The following ARL6IP6 variants were observed in gnomAD, a reference collection of about 807,000 sequenced individuals.
ARL6IP6 encodes the protein ARF like GTPase 6 interacting protein 6, also known as ADP-ribosylation factor-like protein 6-interacting protein 6.
A neutral mutation model predicts 21.5 loss-of-function variants in ARL6IP6; 22 were observed. That is an observed-to-expected ratio of 1.02 (90% CI 0.73 to 1.46). ARL6IP6 has a LOEUF of 1.46. Ranked by LOEUF, ARL6IP6 falls within the 40% of genes most tolerant of loss-of-function variation. The pLI is 0.00. For missense variants in ARL6IP6, 388 were observed against 299.8 expected, an observed-to-expected ratio of 1.29 and a Z score of -2.17; for synonymous variants, 164 against 125.3, an observed-to-expected ratio of 1.31 and a Z score of -2.06.
At chr2:152,733,991 C>G (rs897909947) in intron 2 of ARL6IP6, among the ~76,000 whole-genome samples, 3 of 152,114 alleles carry the variant, frequency 2.0e-5, no homozygotes, top group African/African-American at 7.2e-5. Context: ...AACTTGACAT[C>G]AAAATAAAGC....
chr2:152,726,487 C>G (rs1195856082), intron 2 of ARL6IP6, among the ~76,000 whole-genome samples: 3 of 152,168 alleles, frequency 2.0e-5, no homozygotes, highest in African/African-American at 7.2e-5. Context: ...CTTGAGCTAT[C>G]TATAGAATGT....
At chr2:152,722,415 G>C (rs920016430) in intron 2 of ARL6IP6, among the ~76,000 whole-genome samples, 4 of 152,244 alleles carry the variant, frequency 2.6e-5, no homozygotes, top group Admixed American at 1.3e-4. Flanking sequence ...CCAGTGGTCA[G>C]ATGGAGAATA....
At chr2:152,732,892 T>A (rs1396303377) in intron 2 of ARL6IP6, among the ~76,000 whole-genome samples, 1 of 148,450 alleles carries the variant, frequency 6.7e-6, no homozygotes, top group East Asian at 1.9e-4. Context: ...GTATTGTTAC[T>A]TTTTTTTTTT....
At chr2:152,757,154 T>TG (rs1701630173) in intron 3 of ARL6IP6, among the ~76,000 whole-genome samples, 1 of 152,204 alleles carries the variant, frequency 6.6e-6, no homozygotes, top group Non-Finnish European at 1.5e-5. Context: ...TATGATGCCA[T>TG]GTAGATGTAG....
chr2:152,735,022 A>T lies in ARL6IP6; in HGVS notation c.483A>T (p.Leu161=). Residue 161 remains leucine, a synonymous_variant, in exon 3 of 4, where the codon CTA becomes CTT. Transcript: ENST00000326446. The stretch of plus-strand genomic sequence containing the variant: ...TCTGGACTCTACTTATAATATCCCT[A>T]ACTGCTGGATTCTCCTGTTGCAGCT... ...LGFWTLLIIS[L]TAGFSCCSFS... 1 of 1,613,266 alleles carries T rather than the reference A, an allele frequency of 6.2e-7. No homozygotes were observed. Among genetic ancestry groups the T allele is most frequent in the South Asian group, 1.1e-5 (1 of 91,044 alleles).
chr2:152,718,593 C>T (rs757346270), upstream of ARL6IP6: 49 of 1,501,400 alleles, frequency 3.3e-5, 1 homozygote, highest in East Asian at 8.0e-4. Flanking sequence ...GGGAGAGGCT[C>T]GTTCTCCGCG....
chr2:152,750,688 A>G (rs1312649360), intron 3 of ARL6IP6, among the ~76,000 whole-genome samples: 2 of 152,164 alleles, frequency 1.3e-5, no homozygotes, highest in Non-Finnish European at 2.9e-5. Flanking sequence ...GTACCTTTTA[A>G]AACCTGGGTT....
intron 2 of ARL6IP6, among the ~76,000 whole-genome samples, chr2:152,729,785 A>G (rs7558920): frequency 0.66 from 99,721 of 152,070 alleles, 32,968 homozygotes; most frequent in East Asian, 0.73. Flanking sequence ...GGAAAGATGC[A>G]CACCAGACTC....
At chr2:152,732,519 A>G (rs1414508440) in intron 2 of ARL6IP6, 2 of 438,698 alleles carry the variant, frequency 4.6e-6, no homozygotes, top group Admixed American at 2.9e-5. Flanking sequence ...CTTTTTTTTT[A>G]TTGGCTTCTA....
chr2:152,743,782 T>C (rs1411577267), intron 3 of ARL6IP6, among the ~76,000 whole-genome samples: 1 of 152,218 alleles, frequency 6.6e-6, no homozygotes, highest in Admixed American at 6.5e-5. Context: ...TGCAAGCTTA[T>C]GCTGATCAAA....
chr2:152,722,635 G>C (rs1186783036), intron 2 of ARL6IP6, among the ~76,000 whole-genome samples: 1 of 152,176 alleles, frequency 6.6e-6, no homozygotes, highest in Non-Finnish European at 1.5e-5. Flanking sequence ...ACGCGCGGTG[G>C]CTCACACGTA....
At chr2:152,740,903 A>T (rs932415352) in intron 3 of ARL6IP6, among the ~76,000 whole-genome samples, 2 of 152,168 alleles carry the variant, frequency 1.3e-5, no homozygotes, top group African/African-American at 4.8e-5. Context: ...TTTATGGAAA[A>T]TATGCCGTTA....
Position 152,718,998 on chromosome 2 carries a change from T to TCGCCATCGC in ARL6IP6, c.376_384dup (p.Ala126_Ala128dup). The TCGCCATCGC allele has an allele frequency of 6.3e-7, 1 of 1,578,174 alleles. No individual in the cohort carries two copies. Among genetic ancestry groups the TCGCCATCGC allele is most frequent in the Non-Finnish European group, 8.6e-7 (1 of 1,159,402 alleles). ...TTCGCCATTCTTCTCGCCTTCCTCCTCGCCATCGCCTACTTGATCGTTAAA... is the reference window on the plus strand; with the variant it reads ...TTCGCCATTCTTCTCGCCTTCCTCCTCGCCATCGCCGCCATCGCCTACTTGATCGTTAAA... On this transcript the variant is annotated inframe_insertion, in exon 1 of 4. Coordinates refer to ENST00000326446, the MANE Select transcript of ARL6IP6 (RefSeq NM_152522.7).
intron 2 of ARL6IP6, among the ~76,000 whole-genome samples, chr2:152,733,940 T>C (rs1351122331): frequency 1.3e-5 from 2 of 152,178 alleles, no homozygotes; most frequent in Admixed American, 1.3e-4. Flanking sequence ...CAATATAGAT[T>C]GAGTGGGTGA....
At chr2:152,727,290 AAAG>A (rs1419334089) in intron 2 of ARL6IP6, among the ~76,000 whole-genome samples, 1 of 152,252 alleles carries the variant, frequency 6.6e-6, no homozygotes, top group Non-Finnish European at 1.5e-5. Context: ...GTAATGGTAT[AAAG>A]AAAAAACATT....
At chr2:152,723,397 T>C (rs1389983266) in intron 2 of ARL6IP6, among the ~76,000 whole-genome samples, 1 of 152,226 alleles carries the variant, frequency 6.6e-6, no homozygotes, top group African/African-American at 2.4e-5. Flanking sequence ...TGTTTGATTG[T>C]TTTGTATATT....
chr2:152,745,310 A>G (rs1700992531), intron 3 of ARL6IP6, among the ~76,000 whole-genome samples: 1 of 152,192 alleles, frequency 6.6e-6, no homozygotes, highest in African/African-American at 2.4e-5. Flanking sequence ...TTTTGTTTGA[A>G]TTGCTTGAAA....
At chr2:152,724,861 T>G (rs745678543) in intron 2 of ARL6IP6, among the ~76,000 whole-genome samples, 2 of 151,894 alleles carry the variant, frequency 1.3e-5, no homozygotes, top group East Asian at 3.9e-4. Context: ...ATATATACTT[T>G]GAACACCACT....
At chr2:152,736,044 A>AT (rs1700536554) in intron 3 of ARL6IP6, among the ~76,000 whole-genome samples, 1 of 152,086 alleles carries the variant, frequency 6.6e-6, no homozygotes, top group Non-Finnish European at 1.5e-5. Flanking sequence ...GAATTTGTAT[A>AT]TATGTGTATT....
Sources: gnomAD v4.1 joint callset for allele counts (sites outside exome capture counted in the v4.1 genomes callset) on GRCh38, gnomAD v4.1.1 for gene constraint, MANE v1.5 for transcripts, NCBI Gene and HGNC (gene_info 2026-07-23, HGNC 2026-07-21) for gene names.